Variants in FAM53A observed in about 807,000 individuals in gnomAD.
FAM53A encodes family with sequence similarity 53 member A.
A neutral mutation model predicts 26.6 loss-of-function variants in FAM53A; 28 were observed. The observed-to-expected ratio is 1.05, with a 90% CI of 0.78 to 1.45. FAM53A has a LOEUF of 1.45. Ranked by LOEUF, FAM53A falls within the 40% of genes most tolerant of loss-of-function variation. FAM53A has a pLI of 0.00. For synonymous variants in FAM53A, 290 were observed against 253.1 expected (o/e 1.15, Z -1.38); for missense variants, 650 against 575.8 (o/e 1.13, Z -1.32).
intron 1 of FAM53A, among the ~76,000 whole-genome samples, chr4:1,633,752 G>A (rs1199666676): frequency 6.6e-6 from 1 of 152,150 alleles, no homozygotes; most frequent in Non-Finnish European, 1.5e-5. Flanking sequence ...AGCAGCCCAG[G>A]AGATTGAAAG....
chr4:1,683,833 T>C (rs1715623842), intron 1 of FAM53A: 2 of 152,152 alleles, frequency 1.3e-5, no homozygotes, highest in African/African-American at 4.8e-5. Context: ...CTCGGCGATT[T>C]ACACCCCCAG....
At chr4:1,609,284 C>T in the FAM53A span, among the ~76,000 whole-genome samples, 2 of 152,116 alleles carry the variant, frequency 1.3e-5, no homozygotes, top group East Asian at 1.9e-4. Context: ...ATCAGCCCCT[C>T]GGGCCTCCTT....
At chr4:1,602,398 GTC>G in the FAM53A span, among the ~76,000 whole-genome samples, 1 of 152,214 alleles carries the variant, frequency 6.6e-6, no homozygotes, top group Non-Finnish European at 1.5e-5. Flanking sequence ...ACAGGCTGGG[GTC>G]TCTGGCCCAC....
chr4:1,576,220 C>T, the FAM53A span, among the ~76,000 whole-genome samples: 2 of 152,244 alleles, frequency 1.3e-5, no homozygotes, highest in African/African-American at 2.4e-5. Context: ...ATCTATCACG[C>T]GGCTGCCTTC....
At chr4:1,574,829 C>T in the FAM53A span, among the ~76,000 whole-genome samples, 1 of 152,366 alleles carries the variant, frequency 6.6e-6, no homozygotes, top group South Asian at 2.1e-4. Flanking sequence ...GGGCCCACGC[C>T]CTGTGTGCCA....
At chr4:1,685,859 G>A (rs798714), upstream of FAM53A, among the ~76,000 whole-genome samples, 2,643 of 152,292 alleles carry the variant, frequency 0.017, 43 homozygotes, top group South Asian at 0.065. Flanking sequence ...TGTGCCCGGG[G>A]CGAGGCTCTG....
intron 2 of FAM53A, among the ~76,000 whole-genome samples, chr4:1,660,216 G>C (rs1713725359): frequency 6.6e-6 from 1 of 151,986 alleles, no homozygotes; most frequent in Admixed American, 6.6e-5. Context: ...CCGGGAGGCA[G>C]AGGCTGCAGT....
the FAM53A span, among the ~76,000 whole-genome samples, chr4:1,602,111 G>A: frequency 6.6e-6 from 1 of 152,202 alleles, no homozygotes; most frequent in Admixed American, 6.5e-5. Context: ...TGGTGCCGGC[G>A]GCTACACCCA....
the FAM53A span, among the ~76,000 whole-genome samples, chr4:1,574,797 G>A: frequency 1.3e-5 from 2 of 152,236 alleles, no homozygotes; most frequent in Non-Finnish European, 1.5e-5. Context: ...CGGGCGGCAG[G>A]CTCAGCTTGT....
At chr4:1,613,089 C>T (rs138414894), downstream of FAM53A, among the ~76,000 whole-genome samples, 915 of 152,320 alleles carry the variant, frequency 6.0e-3, 13 homozygotes, top group African/African-American at 0.021. Context: ...CAGGGACAAG[C>T]TACTCGGGAA....
chr4:1,679,378 C>G (rs1369763858), intron 1 of FAM53A, among the ~76,000 whole-genome samples: 1 of 114,280 alleles, frequency 8.8e-6, no homozygotes, highest in East Asian at 2.4e-4. Flanking sequence ...AGGGTGAGAC[C>G]ATGTCTCCAA....
At chr4:1,591,832 C>T in the FAM53A span, among the ~76,000 whole-genome samples, 1 of 152,184 alleles carries the variant, frequency 6.6e-6, no homozygotes, top group African/African-American at 2.4e-5. Flanking sequence ...CCCTCCAGGG[C>T]TCCTCCTTCC....
chr4:1,630,072 AC>A lies in FAM53A; in HGVS notation c.432-11962del, dbSNP rs757485667. 2.0e-5 allele frequency among the ~76,000 whole-genome samples: 3 copies of A among 151,928 alleles called. No individual in the cohort carries two copies. The highest frequency in any genetic ancestry group is 4.4e-5 in the Non-Finnish European group (3 of 67,980). ...CCCAGCACAAAAAGACCACAGTGAG[AC>A]CCCGCTGGACACCTCACCCGGCTGC... On this transcript the variant is annotated intron_variant, in intron 1 of 1. Transcript: ENST00000489029. The surrounding 1 kb of genome is among the most constrained non-coding windows in gnomAD (Gnocchi z 4.3).
the FAM53A span, among the ~76,000 whole-genome samples, chr4:1,579,606 C>T: frequency 2.6e-5 from 4 of 152,216 alleles, no homozygotes; most frequent in East Asian, 7.7e-4. Flanking sequence ...GCCCCCGTTT[C>T]CCCGCCTGTA....
chr4:1,575,986 C>T, the FAM53A span, among the ~76,000 whole-genome samples: 4 of 152,188 alleles, frequency 2.6e-5, no homozygotes, highest in Non-Finnish European at 2.9e-5. Flanking sequence ...CCCACCTGCC[C>T]GGCTGTGGGC....
chr4:1,666,781 C>A (rs564722805), intron 2 of FAM53A, among the ~76,000 whole-genome samples: 1 of 152,280 alleles, frequency 6.6e-6, no homozygotes, highest in Non-Finnish European at 1.5e-5. Context: ...GTGGGCGGAT[C>A]ACTGACCAGC....
At chr4:1,658,279 C>A (rs1251600920) in intron 2 of FAM53A, among the ~76,000 whole-genome samples, 4 of 151,390 alleles carry the variant, frequency 2.6e-5, no homozygotes, top group Non-Finnish European at 4.4e-5. Context: ...CTCAGCCTCA[C>A]AAAGTGCTGG....
At chr4:1,627,514 T>TG (rs1374448982) in intron 1 of FAM53A, among the ~76,000 whole-genome samples, 4 of 152,284 alleles carry the variant, frequency 2.6e-5, no homozygotes, top group African/African-American at 9.6e-5. Flanking sequence ...GGAGCCCACC[T>TG]GGCCACAGCT....
chr4:1,621,995 C>T (rs1053621564), intron 1 of FAM53A, among the ~76,000 whole-genome samples: 19 of 152,172 alleles, frequency 1.2e-4, no homozygotes, highest in African/African-American at 4.6e-4. Context: ...GGGAACGGGG[C>T]ACATATTAAA....
Sources: gnomAD v4.1 joint callset for allele counts (sites outside exome capture counted in the v4.1 genomes callset) on GRCh38, gnomAD v4.1.1 for gene constraint, Gnocchi (gnomAD v3.1) non-coding constraint, MANE v1.5 for transcripts, NCBI Gene and HGNC (gene_info 2026-07-23, HGNC 2026-07-21) for gene names.